DAB1: variants seen among roughly 807,000 people sequenced by gnomAD.
DAB1 encodes disabled homolog 1.
DAB1 carries 15 observed loss-of-function variants against 64.6 expected under a neutral mutation model. That is an observed-to-expected ratio of 0.23 (90% CI 0.16 to 0.36). DAB1 has a LOEUF of 0.36. Ranked by LOEUF, DAB1 falls within the 10% of genes least tolerant of loss-of-function variation. The pLI, the probability that DAB1 is intolerant of heterozygous loss-of-function variation, is 1.00. For missense variants in DAB1, 596 were observed against 706.7 expected (o/e 0.84, Z 1.78); for synonymous variants, 235 against 251.9 (o/e 0.93, Z 0.64).
intron 7 of DAB1, among the ~76,000 whole-genome samples, chr1:57,631,867 T>C (rs988256840): frequency 1.3e-5 from 2 of 152,182 alleles, no homozygotes; most frequent in Admixed American, 6.5e-5. Flanking sequence ...ACTGGCTTTT[T>C]TCTCACTTAA....
At chr1:58,149,614 C>T (rs1361549028) in intron 5 of DAB1, among the ~76,000 whole-genome samples, 2 of 152,144 alleles carry the variant, frequency 1.3e-5, no homozygotes, top group African/African-American at 4.8e-5. Context: ...AACAGTTCCC[C>T]AGGGCAAAAC....
At chr1:57,304,631 T>A (rs1673979927) in intron 1 of DAB1, among the ~76,000 whole-genome samples, 1 of 152,176 alleles carries the variant, frequency 6.6e-6, no homozygotes, top group Admixed American at 6.5e-5. Flanking sequence ...GTAGAATAAA[T>A]AAGGTAATAT....
chr1:58,164,923 T>C (rs1398242875), intron 4 of DAB1, among the ~76,000 whole-genome samples: 2 of 152,182 alleles, frequency 1.3e-5, no homozygotes, highest in Non-Finnish European at 2.9e-5. Flanking sequence ...GGTAGATGTA[T>C]TTCATTTGGC....
chr1:57,918,869 CCT>C (rs1271470860), intron 5 of DAB1, among the ~76,000 whole-genome samples: 1 of 152,084 alleles, frequency 6.6e-6, no homozygotes, highest in Admixed American at 6.5e-5. Flanking sequence ...AGGATCTGCC[CCT>C]GTGACACAAA....
chr1:57,786,965 C>T (rs1557480562), intron 6 of DAB1, among the ~76,000 whole-genome samples: 1 of 151,780 alleles, frequency 6.6e-6, no homozygotes, highest in African/African-American at 2.4e-5. Flanking sequence ...AAAAACGATG[C>T]AAATTTTTAT....
intron 7 of DAB1, among the ~76,000 whole-genome samples, chr1:57,647,973 C>T (rs775804617): frequency 6.6e-6 from 1 of 152,184 alleles, no homozygotes; most frequent in Non-Finnish European, 1.5e-5. Flanking sequence ...TATATATTCT[C>T]AACCTCTGTC....
At chr1:57,104,675 G>A (rs1654979326) in intron 4 of DAB1, among the ~76,000 whole-genome samples, 1 of 152,152 alleles carries the variant, frequency 6.6e-6, no homozygotes, top group Non-Finnish European at 1.5e-5. Context: ...GCTGATGACA[G>A]CTGCCCCAAA....
chr1:58,452,372 T>C (rs1569817256), intron 3 of DAB1, among the ~76,000 whole-genome samples: 2 of 151,168 alleles, frequency 1.3e-5, no homozygotes, highest in African/African-American at 4.9e-5. Context: ...GAGATAGAGA[T>C]ACCATTATAA....
intron 4 of DAB1, among the ~76,000 whole-genome samples, chr1:58,268,887 C>A (rs1434363472): frequency 1.3e-5 from 2 of 152,276 alleles, no homozygotes; most frequent in South Asian, 4.1e-4. Flanking sequence ...GGAATCAAAA[C>A]AGTGCAGCAC....
At chr1:58,230,083 C>G (rs535051000) in intron 4 of DAB1, among the ~76,000 whole-genome samples, 1 of 152,312 alleles carries the variant, frequency 6.6e-6, no homozygotes, top group African/African-American at 2.4e-5. Context: ...GGCTCCCTTA[C>G]TATGGAACTC....
chr1:57,249,399 C>T (rs1669149140), intron 2 of DAB1, among the ~76,000 whole-genome samples: 1 of 152,110 alleles, frequency 6.6e-6, no homozygotes, highest in South Asian at 2.1e-4. Context: ...GAGACAAGGT[C>T]TCACTCCATC....
intron 1 of DAB1, among the ~76,000 whole-genome samples, chr1:57,356,601 A>G (rs1679122566): frequency 6.6e-6 from 1 of 152,082 alleles, no homozygotes; most frequent in Non-Finnish European, 1.5e-5. Flanking sequence ...CAGTTCAGAA[A>G]ATAAATAATC....
At chr1:58,448,525 A>G (rs1296891159) in intron 3 of DAB1, among the ~76,000 whole-genome samples, 4 of 152,192 alleles carry the variant, frequency 2.6e-5, no homozygotes, top group African/African-American at 7.2e-5. Flanking sequence ...TGAAGACTGG[A>G]CCAGATCCAC....
chr1:57,361,913 A>G lies in DAB1; in HGVS notation c.-137+62017T>C, dbSNP rs1570368826. Reference sequence around the variant, plus strand: ...AACAGGTAATGATACAACAATCAGAAGAGTATCATTATAAATATATGTATA... The same window carrying G: ...AACAGGTAATGATACAACAATCAGAGGAGTATCATTATAAATATATGTATA... On this transcript the variant is annotated intron_variant, in intron 1 of 14. Transcript: ENST00000371236. Among the ~76,000 whole-genome samples, 3 of 152,202 alleles carry G rather than the reference A, an allele frequency of 2.0e-5. No individual in the cohort carries two copies. The East Asian group carries it at 5.8e-4, about 29-fold the overall frequency.
chr1:58,188,416 G>A (rs947299643), intron 4 of DAB1, among the ~76,000 whole-genome samples: 2 of 152,124 alleles, frequency 1.3e-5, no homozygotes, highest in African/African-American at 2.4e-5. Flanking sequence ...TTCTATTAAT[G>A]AGCATTCTCC....
At chr1:58,194,456 C>T (rs1015375757) in intron 4 of DAB1, among the ~76,000 whole-genome samples, 1 of 152,188 alleles carries the variant, frequency 6.6e-6, no homozygotes, top group Non-Finnish European at 1.5e-5. Flanking sequence ...ATCTTGTCCT[C>T]AATTTTTAAA....
intron 1 of DAB1, among the ~76,000 whole-genome samples, chr1:57,421,342 A>C (rs1366413845): frequency 6.6e-6 from 1 of 152,230 alleles, no homozygotes; most frequent in Admixed American, 6.5e-5. Context: ...TTATCGTTGA[A>C]TACAATGAAC....
intron 7 of DAB1, among the ~76,000 whole-genome samples, chr1:57,517,304 T>C (rs1401456419): frequency 6.6e-6 from 1 of 152,166 alleles, no homozygotes; most frequent in African/African-American, 2.4e-5. Flanking sequence ...TCTTATTGTT[T>C]ATTTGTATCT....
chr1:58,000,414 A>G (rs535318955), intron 5 of DAB1, among the ~76,000 whole-genome samples: 2 of 152,312 alleles, frequency 1.3e-5, no homozygotes, highest in South Asian at 4.1e-4. Context: ...ACATAAACAC[A>G]TAGACATTGG....
Sources: allele counts gnomAD v4.1 joint callset (sites outside exome capture counted in the v4.1 genomes callset), GRCh38; gene constraint gnomAD v4.1.1; transcripts MANE v1.5; gene names NCBI Gene and HGNC (gene_info 2026-07-23, HGNC 2026-07-21).